MYH9: variants seen among roughly 807,000 people sequenced by gnomAD.
MYH9 encodes myosin-9.
MYH9 carries 29 observed loss-of-function variants against 241.9 expected under a neutral mutation model. The observed-to-expected ratio is 0.12, with a 90% CI of 0.09 to 0.16. The LOEUF (loss-of-function observed/expected upper bound fraction) is 0.16. MYH9 is among the 10% of genes least tolerant of loss of function. The pLI is 1.00. For missense variants in MYH9, 1,803 were observed against 2,595.5 expected (o/e 0.69, Z 6.63); for synonymous variants, 1,047 against 1,062.6 (o/e 0.99, Z 0.29).
chr22:36,338,215 G>A (rs1375441800), intron 3 of MYH9, among the ~76,000 whole-genome samples: 2 of 151,792 alleles, frequency 1.3e-5, no homozygotes, highest in South Asian at 2.1e-4. Flanking sequence ...GACCAGACTG[G>A]TCTCAAACTC....
At chr22:36,338,506 C>G (rs910782961) in intron 3 of MYH9, among the ~76,000 whole-genome samples, 1 of 152,102 alleles carries the variant, frequency 6.6e-6, no homozygotes, top group African/African-American at 2.4e-5. Flanking sequence ...TATTTCCTAT[C>G]CCTGGTCTCC....
At chr22:36,360,348 C>T (rs2017918996) in intron 1 of MYH9, among the ~76,000 whole-genome samples, 1 of 152,024 alleles carries the variant, frequency 6.6e-6, no homozygotes, top group Non-Finnish European at 1.5e-5. Flanking sequence ...GGATGGAATG[C>T]CGTCTCCCTA....
At chr22:36,325,510 A>C (rs548478228) in intron 5 of MYH9, among the ~76,000 whole-genome samples, 26 of 152,218 alleles carry the variant, frequency 1.7e-4, no homozygotes, top group Non-Finnish European at 3.4e-4. Context: ...TGCTTGAGAG[A>C]GAGCATCCCA....
chr22:36,348,835 A>AGGGGGGGGGGGGGGGGGGGGGGGGGG, intron 2 of MYH9, 69 bp downstream of exon 2: 1 of 869,012 alleles, frequency 1.2e-6, no homozygotes, highest in Non-Finnish European at 1.7e-6. Context: ...GGTGATGGGA[A>AGGGGGGGGGGGGGGGGGGGGGGGGGG]GACCCGCCCC....
At chr22:36,384,322 C>T (rs1603484799) in intron 1 of MYH9, among the ~76,000 whole-genome samples, 1 of 150,740 alleles carries the variant, frequency 6.6e-6, no homozygotes, top group African/African-American at 2.4e-5. Context: ...GTGGCTCACA[C>T]CTGTAATCTC....
chr22:36,299,295 G>T (rs1406813070), intron 23 of MYH9, among the ~76,000 whole-genome samples: 1 of 152,144 alleles, frequency 6.6e-6, no homozygotes. Flanking sequence ...TGTGGGCTTG[G>T]GTGAGAAAGG....
intron 5 of MYH9, among the ~76,000 whole-genome samples, chr22:36,324,395 G>C (rs543884228): frequency 6.6e-6 from 1 of 152,372 alleles, no homozygotes; most frequent in Non-Finnish European, 1.5e-5. Context: ...GGCTTCACTG[G>C]GTGGTGTTTC....
Position 36,305,982 on chromosome 22 carries a change from T to C in MYH9, c.2107A>G (p.Ile703Val). ...RCNGVLEGIR[I>V]CRQGFPNRVV... ...CTGTTGGGGAAGCCCTGGCGGCAGA[T>C]ACGGATGCCCTCGAGAACACCGTTG... Residue 703 changes from isoleucine to valine, a missense_variant, in exon 17 of 41, where the codon ATC (isoleucine) becomes GTC (valine). Transcript: ENST00000216181. The surrounding 1 kb of genome is among the most constrained non-coding windows in gnomAD (Gnocchi z 4.7). The C allele has an allele frequency of 6.2e-7, 1 of 1,613,538 alleles. No individual in the cohort carries two copies. Among genetic ancestry groups the C allele is most frequent in the Non-Finnish European group, 8.5e-7 (1 of 1,180,032 alleles).
chr22:36,288,709 G>A lies in MYH9; in HGVS notation c.4770+18C>T, dbSNP rs1169124522. On this transcript the variant is annotated intron_variant, in intron 33 of 40. Coordinates refer to ENST00000216181, the MANE Select transcript of MYH9 (RefSeq NM_002473.6). The surrounding 1 kb of genome is among the most constrained non-coding windows in gnomAD (Gnocchi z 4.8). ...GGCAGCCTTGGGCACCCATGGGGTA[G>A]CAGGAGGCCATGCACACCTGTCTGA... 2 of 1,600,418 alleles carry A rather than the reference G, an allele frequency of 1.2e-6. No individual in the cohort carries two copies. The highest frequency in any genetic ancestry group is 2.7e-5 in the African/African-American group (2 of 74,910).
At chr22:36,382,603 G>A (rs1268635406) in intron 1 of MYH9, among the ~76,000 whole-genome samples, 1 of 152,148 alleles carries the variant, frequency 6.6e-6, no homozygotes, top group Non-Finnish European at 1.5e-5. Context: ...GGAAGTTCGA[G>A]ACCAGCCTGG....
intron 35 of MYH9, 59 bp from the exon 36 acceptor site, chr22:36,286,012 T>C: frequency 6.3e-7 from 1 of 1,588,912 alleles, no homozygotes; most frequent in African/African-American, 1.3e-5. Context: ...AGACCATCCT[T>C]CCCAGCCCCA....
At chr22:36,380,054 C>T (rs111936411) in intron 1 of MYH9, among the ~76,000 whole-genome samples, 2,334 of 152,322 alleles carry the variant, frequency 0.015, 25 homozygotes, top group Non-Finnish European at 0.021. Flanking sequence ...GCCGCCCGCC[C>T]ATGCAGTGGC....
chr22:36,349,759 T>G (rs2017736785), intron 1 of MYH9, among the ~76,000 whole-genome samples: 1 of 151,998 alleles, frequency 6.6e-6, no homozygotes, highest in Admixed American at 6.6e-5. Context: ...AATGGTAAGG[T>G]GTATCGCCCT....
chr22:36,283,686 C>A (rs1210543577), intron 40 of MYH9, among the ~76,000 whole-genome samples: 1 of 152,136 alleles, frequency 6.6e-6, no homozygotes, highest in Non-Finnish European at 1.5e-5. Flanking sequence ...AGAATAAGAT[C>A]CTCTGCTTCA....
chr22:36,291,240 G>A (rs1445752800), intron 31 of MYH9, among the ~76,000 whole-genome samples: 1 of 152,240 alleles, frequency 6.6e-6, no homozygotes, highest in Non-Finnish European at 1.5e-5. Flanking sequence ...AATAGAAAGG[G>A]GGGAAAGGTG....
At chr22:36,379,496 G>A (rs762466410) in intron 1 of MYH9, among the ~76,000 whole-genome samples, 2 of 152,168 alleles carry the variant, frequency 1.3e-5, no homozygotes, top group East Asian at 1.9e-4. Context: ...GTGACAGAGC[G>A]AGACTCCGTC....
chr22:36,321,722 A>C (rs2017254582), intron 7 of MYH9, 36 bp downstream of exon 7: 1 of 1,596,358 alleles, frequency 6.3e-7, no homozygotes, highest in Non-Finnish European at 8.6e-7. Flanking sequence ...TCCCCTCCGG[A>C]TCCAGGACTC....
At chr22:36,292,372 C>A in intron 30 of MYH9, 138 bp from the exon 31 acceptor site, 2 of 1,133,000 alleles carry the variant, frequency 1.8e-6, no homozygotes, top group South Asian at 2.5e-5. Context: ...GAAACCGCCT[C>A]CCCCAGTCAC....
chr22:36,378,896 A>G (rs986180253), intron 1 of MYH9, among the ~76,000 whole-genome samples: 2 of 152,138 alleles, frequency 1.3e-5, no homozygotes, highest in African/African-American at 4.8e-5. Context: ...GGCACTGGGT[A>G]TGAGCGAAAC....
Sources: allele counts gnomAD v4.1 joint callset (sites outside exome capture counted in the v4.1 genomes callset), GRCh38; gene constraint gnomAD v4.1.1; non-coding constraint Gnocchi (gnomAD v3.1); transcripts MANE v1.5; gene names NCBI Gene and HGNC (gene_info 2026-07-23, HGNC 2026-07-21).